Variants in GAS2 observed in about 807,000 individuals in gnomAD.
The protein encoded by GAS2 is growth arrest specific 2, also known as growth arrest-specific protein 2.
In GAS2, 20 loss-of-function variants were observed where a neutral mutation model predicts 37.5. The observed-to-expected ratio is 0.53, with a 90% CI of 0.37 to 0.77. The LOEUF is 0.77. Ranked by LOEUF, GAS2 falls within the 30% of genes least tolerant of loss-of-function variation. The pLI is 0.00. For synonymous variants in GAS2, 144 were observed against 132.2 expected, an observed-to-expected ratio of 1.09 and a Z score of -0.61; for missense variants, 336 against 373.4, an observed-to-expected ratio of 0.90 and a Z score of 0.82.
intron 1 of GAS2, 102 bp from the exon 2 acceptor site, chr11:22,674,748 C>G (rs1190522583): frequency 2.4e-6 from 2 of 828,278 alleles, no homozygotes; most frequent in African/African-American, 3.4e-5. Flanking sequence ...ACTGAACTGT[C>G]ATCAGAAAAC....
At chr11:22,800,578 T>C (rs1046745571) in intron 7 of GAS2, among the ~76,000 whole-genome samples, 5 of 152,080 alleles carry the variant, frequency 3.3e-5, no homozygotes, top group Non-Finnish European at 7.4e-5. Flanking sequence ...CAAGGTCTAA[T>C]GACATCTGTG....
chr11:22,640,030 C>T (rs1008092148), intron 1 of GAS2, among the ~76,000 whole-genome samples: 4 of 152,094 alleles, frequency 2.6e-5, no homozygotes, highest in Non-Finnish European at 4.4e-5. Flanking sequence ...TGTAATCCAT[C>T]ATAGACAAAG....
At chr11:22,788,632 A>G (rs756921428) in intron 7 of GAS2, among the ~76,000 whole-genome samples, 19 of 152,188 alleles carry the variant, frequency 1.2e-4, no homozygotes, top group Non-Finnish European at 2.2e-4. Flanking sequence ...GGTTTGTACT[A>G]ATTGGGGACA....
chr11:22,724,041 CCTT>C (rs1852074153), intron 3 of GAS2, among the ~76,000 whole-genome samples: 1 of 151,744 alleles, frequency 6.6e-6, no homozygotes, highest in Admixed American at 6.6e-5. Flanking sequence ...TTATGCATGT[CCTT>C]CTTGAATTAT....
At chr11:22,635,902 TGGGGCA>T (rs2133810168) in intron 1 of GAS2, among the ~76,000 whole-genome samples, 2 of 152,300 alleles carry the variant, frequency 1.3e-5, no homozygotes, top group African/African-American at 4.8e-5. Context: ...CTCCATGGCC[TGGGGCA>T]GGTTCCCCAA....
At chr11:22,627,730 G>A (rs569846712) in intron 1 of GAS2, among the ~76,000 whole-genome samples, 3 of 151,018 alleles carry the variant, frequency 2.0e-5, no homozygotes, top group Non-Finnish European at 4.4e-5. Flanking sequence ...AGCTGAGATC[G>A]GGCCACTGCA....
intron 7 of GAS2, among the ~76,000 whole-genome samples, chr11:22,766,450 A>G (rs1434960788): frequency 6.6e-6 from 1 of 152,180 alleles, no homozygotes; most frequent in Non-Finnish European, 1.5e-5. Context: ...GACCATATAG[A>G]CATTTGGCAT....
At chr11:22,646,058 G>C (rs113283860) in intron 1 of GAS2, among the ~76,000 whole-genome samples, 4 of 152,016 alleles carry the variant, frequency 2.6e-5, no homozygotes, top group African/African-American at 9.6e-5. Context: ...GGTCAGGCTG[G>C]TCTCGAACTC....
chr11:22,799,684 C>T (rs914627035), intron 7 of GAS2, among the ~76,000 whole-genome samples: 1 of 151,996 alleles, frequency 6.6e-6, no homozygotes, highest in Non-Finnish European at 1.5e-5. Context: ...AACCATTTTA[C>T]CTTTCTCTTT....
At chr11:22,760,136 A>T (rs1854293786) in intron 7 of GAS2, among the ~76,000 whole-genome samples, 1 of 107,840 alleles carries the variant, frequency 9.3e-6, no homozygotes, top group Non-Finnish European at 2.3e-5. Context: ...TTTAATTTTT[A>T]ATTTTTTTTT....
chr11:22,744,168 C>A lies in GAS2; in HGVS notation c.474-4952C>A, dbSNP rs78163032. On this transcript the variant is annotated intron_variant, in intron 5 of 7. Coordinates refer to ENST00000454584, the MANE Select transcript of GAS2 (RefSeq NM_001143830.3). ...GTAAAAAGCCTACCACCACCACCAACAACAAAAAAGCCCTGGGCCAGATGA... is the reference window on the plus strand; with the variant it reads ...GTAAAAAGCCTACCACCACCACCAAAAACAAAAAAGCCCTGGGCCAGATGA... 7.6e-3 allele frequency among the ~76,000 whole-genome samples: 1,148 copies of A among 152,048 alleles called. 22 individuals are homozygous for A. The highest frequency in any genetic ancestry group is 0.026 in the African/African-American group (1,082 of 41,508).
chr11:22,789,390 ATG>A (rs10543615), intron 7 of GAS2, among the ~76,000 whole-genome samples: 44,748 of 85,242 alleles, frequency 0.52, 13,549 homozygotes, highest in South Asian at 0.69. Context: ...GTACATATAT[ATG>A]TGTGTGTGTG....
intron 7 of GAS2, among the ~76,000 whole-genome samples, chr11:22,804,634 G>A (rs554425064): frequency 3.3e-5 from 5 of 152,062 alleles, no homozygotes; most frequent in Non-Finnish European, 5.9e-5. Flanking sequence ...ATTAATGAGA[G>A]TTAGAACATA....
At chr11:22,657,187 A>C (rs1003423000) in intron 1 of GAS2, among the ~76,000 whole-genome samples, 22 of 152,326 alleles carry the variant, frequency 1.4e-4, no homozygotes, top group African/African-American at 3.8e-4. Context: ...GGGGTACAAC[A>C]TATTGACACC....
At chr11:22,766,152 A>C (rs1377942496) in intron 7 of GAS2, among the ~76,000 whole-genome samples, 2 of 152,202 alleles carry the variant, frequency 1.3e-5, no homozygotes, top group Non-Finnish European at 2.9e-5. Context: ...AGACATGGGT[A>C]GGAGACAAAT....
At chr11:22,761,026 A>C (rs1854366746) in intron 7 of GAS2, among the ~76,000 whole-genome samples, 1 of 152,176 alleles carries the variant, frequency 6.6e-6, no homozygotes, top group Non-Finnish European at 1.5e-5. Flanking sequence ...TTGTGAACTT[A>C]TAGCATATTT....
intron 3 of GAS2, among the ~76,000 whole-genome samples, chr11:22,709,967 A>T (rs1377149452): frequency 3.4e-5 from 5 of 145,184 alleles, no homozygotes; most frequent in African/African-American, 5.0e-5. Context: ...AACAATGAGA[A>T]CACATAGACA....
intron 7 of GAS2, among the ~76,000 whole-genome samples, chr11:22,768,175 T>G (rs183463574): frequency 6.6e-6 from 1 of 152,348 alleles, no homozygotes; most frequent in African/African-American, 2.4e-5. Context: ...ATGTAGGTTT[T>G]GGGAGGAACA....
chr11:22,778,532 A>C (rs1282773504), intron 7 of GAS2, among the ~76,000 whole-genome samples: 1 of 152,224 alleles, frequency 6.6e-6, no homozygotes, highest in Non-Finnish European at 1.5e-5. Flanking sequence ...GTGATATTTG[A>C]AGTGAGATGT....
Sources: allele counts gnomAD v4.1 joint callset (sites outside exome capture counted in the v4.1 genomes callset), GRCh38; gene constraint gnomAD v4.1.1; transcripts MANE v1.5; gene names NCBI Gene and HGNC (gene_info 2026-07-23, HGNC 2026-07-21).